The following ARHGEF4 variants were observed in gnomAD, a reference collection of about 807,000 sequenced individuals.
The protein encoded by ARHGEF4 is Rho guanine nucleotide exchange factor 4, also known as APC-stimulated guanine nucleotide exchange factor 1.
Under a neutral mutation model 162.0 loss-of-function variants are expected in ARHGEF4, and 119 were observed. The observed-to-expected ratio is 0.73, with a 90% CI of 0.63 to 0.86. ARHGEF4 has a LOEUF of 0.86. Ranked by LOEUF, ARHGEF4 falls within the 40% of genes least tolerant of loss-of-function variation. The pLI, the probability that ARHGEF4 is intolerant of heterozygous loss-of-function variation, is 0.00. For missense variants in ARHGEF4, 2,488 were observed against 2,456.0 expected (o/e 1.01, Z -0.28); for synonymous variants, 1,014 against 979.9 (o/e 1.03, Z -0.65).
intron 4 of ARHGEF4, among the ~76,000 whole-genome samples, chr2:130,951,446 T>C (rs1020445343): frequency 3.9e-5 from 6 of 152,210 alleles, no homozygotes; most frequent in Non-Finnish European, 8.8e-5. Context: ...GTCTCATGAA[T>C]AGGGAAGCCC....
At chr2:130,891,511 A>G (rs1363449808) in intron 1 of ARHGEF4, among the ~76,000 whole-genome samples, 2 of 152,220 alleles carry the variant, frequency 1.3e-5, no homozygotes, top group African/African-American at 2.4e-5. Context: ...CTCAGCTGCC[A>G]TAACAACTAA....
At chr2:130,847,297 T>C (rs1185153862) in intron 1 of ARHGEF4, among the ~76,000 whole-genome samples, 1 of 152,144 alleles carries the variant, frequency 6.6e-6, no homozygotes, top group African/African-American at 2.4e-5. Context: ...TGCTTCCTCT[T>C]GAATCGCTTT....
intron 4 of ARHGEF4, among the ~76,000 whole-genome samples, chr2:131,003,827 T>C (rs1687931555): frequency 1.3e-5 from 2 of 152,328 alleles, no homozygotes; most frequent in South Asian, 2.1e-4. Context: ...TTCTGGGAAG[T>C]AGGCTTTTCT....
At chr2:130,899,478 G>C (rs935218279) in intron 1 of ARHGEF4, among the ~76,000 whole-genome samples, 7 of 152,226 alleles carry the variant, frequency 4.6e-5, no homozygotes, top group African/African-American at 1.7e-4. Flanking sequence ...ACTGGGAAGG[G>C]GGATGGCCCG....
Position 130,914,106 on chromosome 2 carries a change from G to T in ARHGEF4, c.160G>T (p.Glu54Ter). 6.5e-7 allele frequency: 1 copy of T among 1,536,130 alleles called. No homozygotes were observed. The highest frequency in any genetic ancestry group is 8.7e-7 in the Non-Finnish European group (1 of 1,146,926). ...WNQQTDRDDS[E>*]TLSQQSESGS... The stretch of plus-strand genomic sequence containing the variant: ...CCAGCAAACAGACCGCGATGATTCT[G>T]AAACGCTGTCCCAGCAGAGTGAAAG... The change falls in exon 2 of 14, where the codon GAA (glutamate) becomes TAA (stop). Residue 54 changes from glutamate (E) to a stop codon, truncating the protein, a stop_gained. Coordinates refer to ENST00000409359, the MANE Select transcript of ARHGEF4 (RefSeq NM_001367493.1). LOFTEE classifies it high-confidence loss of function.
At chr2:131,045,563 T>C (rs1398137797) in intron 13 of ARHGEF4, 117 bp downstream of exon 13, 2 of 1,605,740 alleles carry the variant, frequency 1.2e-6, no homozygotes, top group East Asian at 2.2e-5. Flanking sequence ...GGGGGCCCAC[T>C]GCCCTTTGCA....
intron 4 of ARHGEF4, among the ~76,000 whole-genome samples, chr2:130,963,360 C>A (rs967056462): frequency 4.6e-5 from 7 of 152,024 alleles, no homozygotes; most frequent in Non-Finnish European, 1.0e-4. Flanking sequence ...GGCGCGCACG[C>A]CTGCCCGCCG....
intron 4 of ARHGEF4, among the ~76,000 whole-genome samples, chr2:131,000,848 A>G (rs1687712177): frequency 6.6e-6 from 1 of 152,230 alleles, no homozygotes; most frequent in Non-Finnish European, 1.5e-5. Flanking sequence ...AATAAATTTG[A>G]TAACATTAAA....
intron 5 of ARHGEF4, among the ~76,000 whole-genome samples, chr2:131,029,406 A>G (rs954028069): frequency 2.6e-5 from 4 of 152,258 alleles, no homozygotes; most frequent in African/African-American, 9.6e-5. Context: ...CTCAAAATCC[A>G]TGGTGCATAA....
chr2:131,001,622 A>G (rs913805822), intron 4 of ARHGEF4, among the ~76,000 whole-genome samples: 1 of 152,202 alleles, frequency 6.6e-6, no homozygotes, highest in Non-Finnish European at 1.5e-5. Context: ...GGCAGTATCT[A>G]GTAAAGTCGA....
intron 2 of ARHGEF4, among the ~76,000 whole-genome samples, chr2:130,930,258 A>G (rs1353658834): frequency 6.6e-6 from 1 of 152,138 alleles, no homozygotes; most frequent in East Asian, 1.9e-4. Context: ...GCCATTCCAC[A>G]GAGGTTGCTG....
chr2:130,869,869 A>G (rs1678341947), intron 1 of ARHGEF4, among the ~76,000 whole-genome samples: 1 of 152,202 alleles, frequency 6.6e-6, no homozygotes, highest in Non-Finnish European at 1.5e-5. Context: ...AGAGGCTCAG[A>G]CTGGGAGCAG....
chr2:130,837,879 A>G (rs542715138), intron 1 of ARHGEF4, among the ~76,000 whole-genome samples: 1 of 152,300 alleles, frequency 6.6e-6, no homozygotes, highest in East Asian at 1.9e-4. Flanking sequence ...AGGGCGCCCT[A>G]CTTGGCTGTG....
intron 4 of ARHGEF4, among the ~76,000 whole-genome samples, chr2:130,956,760 T>C (rs1419412860): frequency 7.2e-6 from 1 of 138,038 alleles, no homozygotes; most frequent in Non-Finnish European, 1.5e-5. Context: ...TAGATGGAAA[T>C]TGAACAATGA....
intron 1 of ARHGEF4, among the ~76,000 whole-genome samples, chr2:130,869,966 G>A (rs1027662250): frequency 6.6e-6 from 1 of 152,188 alleles, no homozygotes; most frequent in African/African-American, 2.4e-5. Flanking sequence ...AGCGGGACCC[G>A]CTGAGCTCTC....
At position 130,946,508 on chromosome 2, in the gene ARHGEF4, G is replaced by C. The variant is rs1683629402; in HGVS notation, c.3859-1G>C. 3.7e-6 allele frequency: 6 copies of C among 1,609,450 alleles called. No individual in the cohort carries two copies. The highest frequency in any genetic ancestry group is 5.1e-6 in the Non-Finnish European group (6 of 1,177,404). ...CCTCTGTCTCTTTCCTCCTCTTCCA[G>C]TGCTGGAGAAAGACGATCATTACCT... On this transcript the variant is annotated splice_acceptor_variant, in intron 3 of 13. Transcript: ENST00000409359. LOFTEE classifies it high-confidence loss of function.
At position 130,869,933 on chromosome 2, in the gene ARHGEF4, C is replaced by T. The variant is rs144588965; in HGVS notation, c.39+32941C>T. On this transcript the variant is annotated intron_variant, in intron 1 of 13. Transcript: ENST00000409359. Reference sequence around the variant, plus strand: ...ACACATGGGGTGCTGAACAAGGCCCCCTCCGTGGAACCCGGTGTGGCCAGC... The same window carrying T: ...ACACATGGGGTGCTGAACAAGGCCCTCTCCGTGGAACCCGGTGTGGCCAGC... Among the ~76,000 whole-genome samples the T allele has an allele frequency of 3.5e-4, 53 of 152,306 alleles. No homozygotes were observed. In the East Asian group the frequency reaches 0.01, roughly 29 times the overall value.
intron 1 of ARHGEF4, among the ~76,000 whole-genome samples, chr2:130,874,830 A>C (rs1434474332): frequency 6.6e-6 from 1 of 152,090 alleles, no homozygotes; most frequent in African/African-American, 2.4e-5. Flanking sequence ...CCATTTCTAT[A>C]ATTTTTTCAT....
At chr2:130,841,371 CTTTT>C (rs35533760) in intron 1 of ARHGEF4, among the ~76,000 whole-genome samples, 3 of 133,052 alleles carry the variant, frequency 2.3e-5, no homozygotes, top group Non-Finnish European at 4.9e-5. Flanking sequence ...GCCTAGAAAG[CTTTT>C]TTTTTTTTTT....
Sources: allele counts gnomAD v4.1 joint callset (sites outside exome capture counted in the v4.1 genomes callset), GRCh38; gene constraint gnomAD v4.1.1; transcripts MANE v1.5; gene names NCBI Gene and HGNC (gene_info 2026-07-23, HGNC 2026-07-21).